FHIT: variants seen among roughly 807,000 people sequenced by gnomAD.
FHIT encodes the protein fragile histidine triad diadenosine triphosphatase.
Under a neutral mutation model 17.9 loss-of-function variants are expected in FHIT, and 19 were observed. The observed-to-expected ratio is 1.06, with a 90% CI of 0.74 to 1.56. FHIT has a LOEUF of 1.56. FHIT is among the 40% of genes most tolerant of loss of function. FHIT has a pLI of 0.00. For synonymous variants in FHIT, 81 were observed against 69.7 expected (o/e 1.16, Z -0.81); for missense variants, 248 against 189.2 (o/e 1.31, Z -1.82).
chr3:61,176,128 T>C (rs1225596214), intron 2 of FHIT, among the ~76,000 whole-genome samples: 1 of 152,254 alleles, frequency 6.6e-6, no homozygotes, highest in Non-Finnish European at 1.5e-5. Context: ...CAGGTTTCTC[T>C]GGGTTGTGGG....
At position 60,151,728 on chromosome 3, in the gene FHIT, C is replaced by A. The variant is rs569315538; in HGVS notation, c.104-137576G>T. Among the ~76,000 whole-genome samples, 17 of 152,264 alleles carry A rather than the reference C, an allele frequency of 1.1e-4. No individual in the cohort carries two copies. In the South Asian group the frequency reaches 3.3e-3, roughly 30 times the overall value. On this transcript the variant is annotated intron_variant, in intron 5 of 9. Transcript: ENST00000492590. ...CTTTAAACCTTCCTACCTCTGCCTG[C>A]AATTGTTTTCCTCTTAATACTTCCA...
intron 4 of FHIT, among the ~76,000 whole-genome samples, chr3:60,727,405 C>T (rs372768463): frequency 1.2e-3 from 181 of 152,186 alleles, no homozygotes; most frequent in African/African-American, 4.2e-3. Context: ...ATAGGGAAGC[C>T]AGAGCAGCTA....
chr3:59,981,292 C>A (rs554967535), intron 7 of FHIT, among the ~76,000 whole-genome samples: 1 of 151,926 alleles, frequency 6.6e-6, no homozygotes, highest in Non-Finnish European at 1.5e-5. Flanking sequence ...CTTGGAATGC[C>A]CCTGTATGAG....
At chr3:61,224,850 A>G (rs948021426) in intron 1 of FHIT, among the ~76,000 whole-genome samples, 2 of 152,232 alleles carry the variant, frequency 1.3e-5, no homozygotes, top group Non-Finnish European at 2.9e-5. Context: ...TACAGTGTGG[A>G]TGGACACACA....
chr3:60,208,080 A>G (rs1414498752), intron 5 of FHIT, among the ~76,000 whole-genome samples: 2 of 152,152 alleles, frequency 1.3e-5, no homozygotes, highest in African/African-American at 4.8e-5. Context: ...CTTATGACCT[A>G]TTACCAGTGG....
chr3:60,823,265 G>A (rs987835427), intron 3 of FHIT, among the ~76,000 whole-genome samples: 2 of 152,132 alleles, frequency 1.3e-5, no homozygotes, highest in South Asian at 2.1e-4. Flanking sequence ...AGTAGGAAGG[G>A]AGATGGTGAG....
chr3:60,362,152 T>C (rs1699932652), intron 5 of FHIT, among the ~76,000 whole-genome samples: 1 of 152,190 alleles, frequency 6.6e-6, no homozygotes, highest in Non-Finnish European at 1.5e-5. Context: ...GTGAAATGGT[T>C]ACTAAGTGAA....
intron 8 of FHIT, among the ~76,000 whole-genome samples, chr3:59,879,239 T>A (rs1338256664): frequency 2.0e-5 from 3 of 152,186 alleles, no homozygotes; most frequent in African/African-American, 7.2e-5. Flanking sequence ...TCATGAAAAA[T>A]GACAAATTTG....
rs2033016613 is a variant in FHIT, at chr3:60,470,138, TG to T, written c.103+66721del. On this transcript the variant is annotated intron_variant, in intron 5 of 9. Transcript: ENST00000492590. Reference sequence around the variant, plus strand: ...CAAGCACTCCTGTGGCCACCGCCACTGGGACTATATTGGGTCAGAAATGAAG... The same window carrying T: ...CAAGCACTCCTGTGGCCACCGCCACTGGACTATATTGGGTCAGAAATGAAG... Among the ~76,000 whole-genome samples the T allele has an allele frequency of 2.0e-5, 3 of 151,786 alleles. No individual in the cohort carries two copies. In the East Asian group the frequency reaches 5.9e-4, roughly 30 times the overall value.
intron 5 of FHIT, among the ~76,000 whole-genome samples, chr3:60,265,467 A>G (rs1286932717): frequency 1.3e-5 from 2 of 152,062 alleles, no homozygotes; most frequent in Non-Finnish European, 2.9e-5. Context: ...AACTTAGAAG[A>G]AAACATACAT....
chr3:60,860,235 T>TACATGAGATACATC (rs1553751162), intron 3 of FHIT, among the ~76,000 whole-genome samples: 1 of 122,688 alleles, frequency 8.2e-6, no homozygotes, highest in African/African-American at 3.3e-5. Flanking sequence ...ATCATATGTA[T>TACATGAGATACATC]ATATGGTATA....
chr3:60,566,092 G>C (rs997179321), intron 4 of FHIT, among the ~76,000 whole-genome samples: 18 of 152,206 alleles, frequency 1.2e-4, no homozygotes, highest in African/African-American at 4.3e-4. Flanking sequence ...TCTTAATCCT[G>C]AATTCTAGTT....
chr3:60,375,177 T>C (rs1445797397), intron 5 of FHIT, among the ~76,000 whole-genome samples: 1 of 151,618 alleles, frequency 6.6e-6, no homozygotes, highest in Non-Finnish European at 1.5e-5. Flanking sequence ...TTTTCAATAA[T>C]TGTGAGTGCC....
intron 2 of FHIT, among the ~76,000 whole-genome samples, chr3:61,094,031 T>C (rs754352552): frequency 1.5e-4 from 23 of 152,204 alleles, no homozygotes; most frequent in Admixed American, 5.9e-4. Flanking sequence ...TCCCTGTAGG[T>C]TAGGTGTCCT....
intron 3 of FHIT, among the ~76,000 whole-genome samples, 164 bp from the exon 4 acceptor site, chr3:60,822,175 A>G (rs1032342288): frequency 5.3e-5 from 8 of 152,322 alleles, no homozygotes; most frequent in Admixed American, 3.9e-4. Context: ...AGGCATTGTC[A>G]TTAATCTGTA....
chr3:60,625,410 T>C (rs1553680575), intron 4 of FHIT, among the ~76,000 whole-genome samples: 1 of 152,154 alleles, frequency 6.6e-6, no homozygotes, highest in Non-Finnish European at 1.5e-5. Flanking sequence ...TCACCAGCAA[T>C]GTATGTTCAA....
intron 5 of FHIT, among the ~76,000 whole-genome samples, chr3:60,481,043 A>C (rs544043719): frequency 5.4e-4 from 83 of 152,318 alleles, no homozygotes; most frequent in African/African-American, 1.9e-3. Flanking sequence ...CTGCAGTAGA[A>C]TTCCGCCTGG....
chr3:60,563,406 G>A (rs372897307), intron 4 of FHIT, among the ~76,000 whole-genome samples: 27 of 152,188 alleles, frequency 1.8e-4, no homozygotes, highest in African/African-American at 3.9e-4. Flanking sequence ...CCCTACAATC[G>A]CCTTTTAAGT....
chr3:60,229,433 A>G (rs1329138591), intron 5 of FHIT, among the ~76,000 whole-genome samples: 1 of 151,728 alleles, frequency 6.6e-6, no homozygotes, highest in East Asian at 1.9e-4. Flanking sequence ...AGAAAAAAAA[A>G]AAAAGAAAAA....
Sources: allele counts gnomAD v4.1 joint callset (sites outside exome capture counted in the v4.1 genomes callset), GRCh38; gene constraint gnomAD v4.1.1; transcripts MANE v1.5; gene names NCBI Gene and HGNC (gene_info 2026-07-23, HGNC 2026-07-21).